The following ANKRD28 variants were observed in gnomAD, a reference collection of about 807,000 sequenced individuals.
ANKRD28 encodes ankyrin repeat domain 28.
Under a neutral mutation model 126.5 loss-of-function variants are expected in ANKRD28, and 44 were observed. The ratio of observed to expected loss-of-function variants is 0.35; its 90% CI spans 0.27 to 0.45. The LOEUF is 0.45. Among genes scored for constraint, ANKRD28 ranks in the 20% least tolerant of loss-of-function variants. The pLI is 1.00. For synonymous variants in ANKRD28, 442 were observed against 468.5 expected, an observed-to-expected ratio of 0.94 and a Z score of 0.73; for missense variants, 1,110 against 1,316.6, an observed-to-expected ratio of 0.84 and a Z score of 2.43.
chr3:15,689,075 T>G (rs1285463976), intron 18 of ANKRD28, among the ~76,000 whole-genome samples: 1 of 152,228 alleles, frequency 6.6e-6, no homozygotes, highest in Non-Finnish European at 1.5e-5. Flanking sequence ...GATAGTCTTG[T>G]TGTTGGTATT....
At position 15,755,592 on chromosome 3, in the gene ANKRD28, T is replaced by C. The variant is rs868046044; in HGVS notation, c.281-3772A>G. Among the ~76,000 whole-genome samples, 3 of 152,284 alleles carry C rather than the reference T, an allele frequency of 2.0e-5. No homozygotes were observed. The South Asian group carries it at 6.2e-4, about 32-fold the overall frequency. On this transcript the variant is annotated intron_variant, in intron 3 of 27. Transcript: ENST00000683139. Reference sequence around the variant, plus strand: ...ATAGTTAACTAGTTCAATAGCTAGTTGGAGTATTAAACACCAGCCACAACA... The same window carrying C: ...ATAGTTAACTAGTTCAATAGCTAGTCGGAGTATTAAACACCAGCCACAACA...
chr3:15,817,405 C>G lies in ANKRD28; in HGVS notation c.28-22099G>C, dbSNP rs2060854756. On this transcript the variant is annotated intron_variant, in intron 1 of 27. Coordinates refer to the ANKRD28 transcript ENST00000399451. The surrounding 1 kb of genome is among the most constrained non-coding windows in gnomAD (Gnocchi z 4.5). ...AAGTTCCTAGAGCTACCGGTAGGCA[C>G]CATTTCTTATTGCTCTAAGTACTCA... 1.3e-5 allele frequency among the ~76,000 whole-genome samples: 2 copies of G among 152,050 alleles called. No homozygotes were observed. The highest frequency in any genetic ancestry group is 2.9e-5 in the Non-Finnish European group (2 of 68,014).
chr3:15,740,520 T>C (rs1214028080), intron 4 of ANKRD28, among the ~76,000 whole-genome samples: 1 of 152,154 alleles, frequency 6.6e-6, no homozygotes, highest in Non-Finnish European at 1.5e-5. Flanking sequence ...AAACTAACAC[T>C]ATATTGGGAA....
intron 1 of ANKRD28, among the ~76,000 whole-genome samples, chr3:15,850,224 T>TATATATAGAGAGAGAG (rs1418223588): frequency 1.5e-3 from 51 of 35,098 alleles, no homozygotes; most frequent in Admixed American, 2.4e-3. Flanking sequence ...TATATATATA[T>TATATATAGAGAGAGAG]AGAGAGAGAG....
At chr3:15,752,291 C>T (rs6795100) in intron 3 of ANKRD28, among the ~76,000 whole-genome samples, 70,745 of 151,932 alleles carry the variant, frequency 0.47, 19,432 homozygotes, top group Non-Finnish European at 0.6. Context: ...ATTTAAAACA[C>T]ATTGTATAAG....
At chr3:15,695,342 T>G (rs1246571030) in intron 15 of ANKRD28, 128 bp from the exon 16 acceptor site, 2 of 663,682 alleles carry the variant, frequency 3.0e-6, no homozygotes, top group Non-Finnish European at 5.3e-6. Flanking sequence ...AAAAATTAGG[T>G]GTTTTGAATA....
At chr3:15,724,317 T>C (rs1575399532) in intron 7 of ANKRD28, 65 bp downstream of exon 7, 1 of 1,338,632 alleles carries the variant, frequency 7.5e-7, no homozygotes, top group Non-Finnish European at 1.0e-6. Context: ...AAATAACTTG[T>C]CAATAATGTA....
At chr3:15,749,708 C>T (rs2057742860) in intron 4 of ANKRD28, among the ~76,000 whole-genome samples, 1 of 152,190 alleles carries the variant, frequency 6.6e-6, no homozygotes, top group Admixed American at 6.5e-5. Context: ...GTGGTGTTCT[C>T]CCACTTCCCC....
intron 18 of ANKRD28, among the ~76,000 whole-genome samples, chr3:15,688,554 T>C (rs1484704484): frequency 4.6e-5 from 7 of 152,228 alleles, no homozygotes; most frequent in Admixed American, 4.6e-4. Context: ...TATTAAAATA[T>C]TTTTCTCAGC....
At chr3:15,829,484 A>G (rs2061143076) in intron 1 of ANKRD28, among the ~76,000 whole-genome samples, 2 of 152,196 alleles carry the variant, frequency 1.3e-5, no homozygotes, top group African/African-American at 4.8e-5. Flanking sequence ...CATATGAATG[A>G]GCTTTTAGTA....
rs538923665 is a variant in ANKRD28 at position 15,797,303 on chromosome 3, T to C, written c.-782A>G. The C allele has an allele frequency of 4.1e-6, 4 of 985,230 alleles. No homozygotes were observed. In the Admixed American group the frequency reaches 1.8e-4, roughly 45 times the overall value. The allele number at this position is 985,230 out of a possible 1,614,324, so 61.0% of individuals were successfully genotyped here. ...CAAGAGACAATACGACTCTTGGTAC[T>C]AGAATACAGCTTGATTAATCCAGGT... On this transcript the variant is annotated 5_prime_UTR_variant, in exon 1 of 28. Transcript: ENST00000683139.
chr3:15,836,665 G>A (rs2061331724), intron 1 of ANKRD28, among the ~76,000 whole-genome samples: 1 of 152,030 alleles, frequency 6.6e-6, no homozygotes. Context: ...GAGAGCTGAA[G>A]GAGTTATATT....
intron 6 of ANKRD28, among the ~76,000 whole-genome samples, chr3:15,724,823 A>G (rs28562411): frequency 2.6e-5 from 4 of 151,554 alleles, no homozygotes; most frequent in Non-Finnish European, 5.9e-5. Context: ...CACCAAAAAT[A>G]AAAAAAAATT....
chr3:15,700,632 G>C (rs1005452356), intron 14 of ANKRD28, among the ~76,000 whole-genome samples: 7 of 152,184 alleles, frequency 4.6e-5, no homozygotes, highest in African/African-American at 1.7e-4. Context: ...AAATTAGCTG[G>C]GTGTGGTGGC....
upstream of ANKRD28, among the ~76,000 whole-genome samples, chr3:15,799,302 T>TA (rs1463157540): frequency 6.9e-6 from 1 of 145,826 alleles, no homozygotes; most frequent in East Asian, 2.3e-4. Flanking sequence ...AAGCAAGTCT[T>TA]AAAACCATAA....
intron 2 of ANKRD28, among the ~76,000 whole-genome samples, chr3:15,778,978 T>C (rs2059423486): frequency 6.6e-6 from 1 of 152,176 alleles, no homozygotes; most frequent in African/African-American, 2.4e-5. Context: ...CCTGTCACCC[T>C]GTGAAGAGGT....
intron 3 of ANKRD28, among the ~76,000 whole-genome samples, 168 bp downstream of exon 3, chr3:15,766,066 G>C (rs1190296594): frequency 7.9e-5 from 12 of 151,966 alleles, no homozygotes. Context: ...TAAGCACCCA[G>C]AAAAAGATAT....
At chr3:15,698,951 G>T (rs2455817) in intron 14 of ANKRD28, among the ~76,000 whole-genome samples, 74,037 of 151,984 alleles carry the variant, frequency 0.49, 20,048 homozygotes, top group Non-Finnish European at 0.6. Context: ...TAAGCCAAAA[G>T]AACAAAGCTG....
chr3:15,772,395 C>T (rs921109007), intron 2 of ANKRD28, among the ~76,000 whole-genome samples: 2 of 152,116 alleles, frequency 1.3e-5, no homozygotes, highest in Non-Finnish European at 2.9e-5. Flanking sequence ...ACATTATCAT[C>T]CTGATACCAA....
Sources: allele counts gnomAD v4.1 joint callset (sites outside exome capture counted in the v4.1 genomes callset), GRCh38; gene constraint gnomAD v4.1.1; non-coding constraint Gnocchi (gnomAD v3.1); transcripts MANE v1.5; gene names NCBI Gene and HGNC (gene_info 2026-07-23, HGNC 2026-07-21).